RGL1: variants seen among roughly 807,000 people sequenced by gnomAD.
The protein encoded by RGL1 is ral guanine nucleotide dissociation stimulator like 1, also known as ral guanine nucleotide dissociation stimulator-like 1.
A neutral mutation model predicts 95.2 loss-of-function variants in RGL1; 24 were observed. The ratio of observed to expected loss-of-function variants is 0.25; its 90% CI spans 0.18 to 0.35. The LOEUF (loss-of-function observed/expected upper bound fraction) is 0.35, where lower values mean the gene tolerates loss of function less well. RGL1 is among the 10% of genes least tolerant of loss of function. The pLI, the probability that RGL1 is intolerant of heterozygous loss-of-function variation, is 1.00. For synonymous variants in RGL1, 329 were observed against 344.9 expected, an observed-to-expected ratio of 0.95 and a Z score of 0.51; for missense variants, 715 against 936.3, an observed-to-expected ratio of 0.76 and a Z score of 3.08.
intron 3 of RGL1, among the ~76,000 whole-genome samples, chr1:183,862,728 G>A (rs370663034): frequency 4.9e-4 from 74 of 152,280 alleles, no homozygotes; most frequent in African/African-American, 9.1e-4. Context: ...CCATTACTGC[G>A]TCTGCTTCTG....
chr1:183,798,262 C>G (rs922738926), intron 2 of RGL1, among the ~76,000 whole-genome samples: 1 of 152,144 alleles, frequency 6.6e-6, no homozygotes, highest in Non-Finnish European at 1.5e-5. Context: ...GTGCAGCATT[C>G]AGTTTGAGGA....
chr1:183,923,638 G>A (rs989275662), intron 17 of RGL1, among the ~76,000 whole-genome samples: 1 of 152,130 alleles, frequency 6.6e-6, no homozygotes, highest in Non-Finnish European at 1.5e-5. Flanking sequence ...CTTAATTAGA[G>A]ACAATACCCT....
chr1:183,775,651 TCA>T (rs1422546960), intron 2 of RGL1, among the ~76,000 whole-genome samples: 1 of 152,252 alleles, frequency 6.6e-6, no homozygotes, highest in Non-Finnish European at 1.5e-5. Context: ...TCTCTAAGTC[TCA>T]GTCTTTTCAT....
chr1:183,697,095 T>C (rs1200246916), intron 1 of RGL1, among the ~76,000 whole-genome samples: 1 of 152,214 alleles, frequency 6.6e-6, no homozygotes, highest in Non-Finnish European at 1.5e-5. Flanking sequence ...CTACGTGATC[T>C]GTAGTGCCTC....
intron 1 of RGL1, among the ~76,000 whole-genome samples, chr1:183,740,437 G>A (rs1256076936): frequency 2.0e-5 from 3 of 152,228 alleles, no homozygotes; most frequent in African/African-American, 7.2e-5. Context: ...CCCCAGAGCA[G>A]AGAAGTAACT....
chr1:183,883,881 G>A lies in RGL1; in HGVS notation c.706G>A (p.Val236Met), dbSNP rs772753992. The change falls in exon 6 of 18, where the codon GTG becomes ATG. Residue 236 changes from valine to methionine, a missense_variant. Around this residue, in one of 3 missense-constraint regions of RGL1, gnomAD observed 381 missense variants for 484.8 expected, o/e 0.79. Transcript: ENST00000360851. The part of the protein sequence containing the change: ...AEFTCFSEDL[V>M]AEQLTYMDAQ... ...ATTCACGTGCTTCTCAGAAGATCTC[G>A]TGGCAGAGCAGCTGACCTACATGGA... The A allele has an allele frequency of 1.2e-5, 20 of 1,613,978 alleles. No homozygotes were observed. The East Asian group carries it at 2.0e-4, about 16-fold the overall frequency.
chr1:183,738,408 A>G (rs546282551), intron 1 of RGL1, among the ~76,000 whole-genome samples: 41 of 151,896 alleles, frequency 2.7e-4, no homozygotes, highest in South Asian at 1.3e-3. Flanking sequence ...GCGACAGAGC[A>G]AGACTCCGTC....
intron 16 of RGL1, among the ~76,000 whole-genome samples, chr1:183,919,027 G>A (rs1041608835): frequency 6.6e-6 from 1 of 152,176 alleles, no homozygotes; most frequent in Non-Finnish European, 1.5e-5. Context: ...CTCTGAAACA[G>A]CATTGAATAT....
intron 2 of RGL1, among the ~76,000 whole-genome samples, chr1:183,816,464 G>A (rs1024928486): frequency 6.6e-6 from 1 of 152,134 alleles, no homozygotes; most frequent in Non-Finnish European, 1.5e-5. Context: ...CTTATACAGT[G>A]CCTGAGCCCC....
At chr1:183,649,231 A>G (rs1366588769) in intron 1 of RGL1, among the ~76,000 whole-genome samples, 1 of 152,250 alleles carries the variant, frequency 6.6e-6, no homozygotes, top group Non-Finnish European at 1.5e-5. Context: ...AGCATTGAAT[A>G]ACAGAATGAA....
intron 12 of RGL1, among the ~76,000 whole-genome samples, 157 bp downstream of exon 12, chr1:183,902,757 C>T (rs888756644): frequency 1.3e-5 from 2 of 152,038 alleles, no homozygotes; most frequent in Non-Finnish European, 2.9e-5. Flanking sequence ...TATACATTAT[C>T]CCCCACTAGC....
intron 1 of RGL1, among the ~76,000 whole-genome samples, chr1:183,661,907 T>A (rs1315364875): frequency 6.7e-6 from 1 of 150,326 alleles, no homozygotes; most frequent in African/African-American, 2.5e-5. Flanking sequence ...TGGTTCAATA[T>A]ACACAAATCA....
intron 4 of RGL1, among the ~76,000 whole-genome samples, chr1:183,872,323 A>G (rs532457555): frequency 1.3e-5 from 2 of 152,172 alleles, no homozygotes; most frequent in Admixed American, 6.6e-5. Context: ...CCCTCTCTCT[A>G]TATATAACTT....
intron 2 of RGL1, among the ~76,000 whole-genome samples, chr1:183,838,056 G>T (rs952528866): frequency 6.6e-6 from 1 of 152,128 alleles, no homozygotes; most frequent in Non-Finnish European, 1.5e-5. Context: ...GGAGACCCTT[G>T]CTTTAGTTAT....
chr1:183,685,096 C>T (rs186159109), intron 1 of RGL1, among the ~76,000 whole-genome samples: 1 of 152,232 alleles, frequency 6.6e-6, no homozygotes, highest in East Asian at 1.9e-4. Context: ...TTATCTTGAC[C>T]ACTTGATTTA....
intron 1 of RGL1, among the ~76,000 whole-genome samples, chr1:183,699,345 T>C (rs999287976): frequency 3.3e-5 from 5 of 152,208 alleles, no homozygotes; most frequent in African/African-American, 4.8e-5. Context: ...CAAGGCTTGT[T>C]CCAAAATTGC....
intron 3 of RGL1, among the ~76,000 whole-genome samples, chr1:183,852,319 T>C (rs551351342): frequency 4.6e-5 from 7 of 152,328 alleles, no homozygotes; most frequent in African/African-American, 1.4e-4. Context: ...AATTCACGTA[T>C]AGCTAATTCC....
In RGL1 at chr1:183,890,797, A is replaced by AGGGCTG. The variant is rs150144169; in HGVS notation, c.1056-1277_1056-1272dup. ...ACGGAATGTAGATCAGTGGTTACCTAGGGCTGGGACTGGGAGGACGGTAGG... is the reference window on the plus strand; with the variant it reads ...ACGGAATGTAGATCAGTGGTTACCTAGGGCTGGGGCTGGGACTGGGAGGACGGTAGG... On this transcript the variant is annotated intron_variant, in intron 8 of 17. Coordinates refer to ENST00000360851, the MANE Select transcript of RGL1 (RefSeq NM_001297671.3). Among the ~76,000 whole-genome samples the AGGGCTG allele has an allele frequency of 3.0e-3, 457 of 152,236 alleles. 28 individuals carry two copies. In the East Asian group the frequency reaches 0.078, roughly 26 times the overall value.
intron 2 of RGL1, among the ~76,000 whole-genome samples, chr1:183,832,786 A>G (rs2500116): frequency 0.81 from 122,912 of 152,146 alleles, 49,769 homozygotes; most frequent in Middle Eastern, 0.88. Flanking sequence ...TCTGCTTTAT[A>G]AGGTTATTAT....
Sources: allele counts gnomAD v4.1 joint callset (sites outside exome capture counted in the v4.1 genomes callset), GRCh38; gene constraint gnomAD v4.1.1; regional missense constraint gnomAD v4.1.1; transcripts MANE v1.5; gene names NCBI Gene and HGNC (gene_info 2026-07-23, HGNC 2026-07-21).